Variants in NR1I3 observed in about 807,000 individuals in gnomAD.
NR1I3 encodes the protein nuclear receptor subfamily 1 group I member 3.
NR1I3 carries 30 observed loss-of-function variants against 38.4 expected under a neutral mutation model. The observed-to-expected ratio is 0.78, with a 90% CI of 0.58 to 1.06. The LOEUF (loss-of-function observed/expected upper bound fraction) is 1.06, where lower values mean the gene tolerates loss of function less well. NR1I3 is among the 50% of genes least tolerant of loss of function. The pLI is 0.00. For missense variants in NR1I3, 388 were observed against 435.7 expected, an observed-to-expected ratio of 0.89 and a Z score of 0.97; for synonymous variants, 143 against 165.1, an observed-to-expected ratio of 0.87 and a Z score of 1.03.
rs1197804717 is a variant in NR1I3, at chr1:161,229,700, T to C, written c.*97A>G. 6.2e-7 allele frequency: 1 copy of C among 1,614,126 alleles called. No homozygotes were observed. The highest frequency in any genetic ancestry group is 1.7e-5 in the Admixed American group (1 of 60,028). On this transcript the variant is annotated 3_prime_UTR_variant, in exon 9 of 9. Coordinates refer to ENST00000367983, the MANE Select transcript of NR1I3 (RefSeq NM_005122.5). The stretch of plus-strand genomic sequence containing the variant: ...TAGTCTTTCATTGCAACCACTGGGC[T>C]CCCTTTGAACCCGGCCCAATCTTTG...
intron 8 of NR1I3, chr1:161,230,161 GAGAGCC>G: frequency 1.9e-6 from 1 of 516,234 alleles, no homozygotes; most frequent in Non-Finnish European, 3.5e-6. Flanking sequence ...CCAGAGCTCT[GAGAGCC>G]GAGTGTGAAG....
intron 3 of NR1I3, chr1:161,235,116 G>T (rs3123553): frequency 6.6e-6 from 1 of 152,046 alleles, no homozygotes; most frequent in Non-Finnish European, 1.5e-5. Context: ...ACTCCAGCCT[G>T]GGCAACAGAG....
In NR1I3 at chr1:161,231,446, G is replaced by C. The variant is rs766064438; in HGVS notation, c.577C>G (p.Leu193Val). ...ATTTCCACAGCTGCTCCCTTGAGAA[G>C]GGAGATCTGGTCTTCAATGGGCAGG... ...RSLPIEDQIS[L>V]LKGAAVEICH... The change falls in exon 6 of 9, where the codon CTT (leucine) becomes GTT (valine). Residue 193 changes from leucine to valine, a missense_variant. Transcript: ENST00000367983. 1 of 1,576,410 alleles carries C rather than the reference G, an allele frequency of 6.3e-7. No homozygotes were observed. The highest frequency in any genetic ancestry group is 1.2e-5 in the South Asian group (1 of 84,090).
chr1:161,237,921 C>G, intron 1 of NR1I3, 120 bp downstream of exon 1: 1 of 949,396 alleles, frequency 1.1e-6, no homozygotes, highest in South Asian at 1.3e-5. Context: ...TGGGCTCAAG[C>G]GATCCCCCCA....
chr1:161,232,387 T>A (rs1019071669), intron 5 of NR1I3, among the ~76,000 whole-genome samples: 3 of 152,144 alleles, frequency 2.0e-5, no homozygotes, highest in East Asian at 1.9e-4. Flanking sequence ...AGCCTCAACC[T>A]CCTGGGCTCA....
chr1:161,230,802 T>C lies in NR1I3; in HGVS notation c.917+11A>G. ...TGGTGTGGCCTCCAAGCCCTCAGTG[T>C]CCCACCGTACCGATCCCGGGGCCTT... On this transcript the variant is annotated intron_variant, in intron 8 of 8. Transcript: ENST00000367983. 2 of 1,614,006 alleles carry C rather than the reference T, an allele frequency of 1.2e-6. No individual in the cohort carries two copies. The highest frequency in any genetic ancestry group is 1.7e-6 in the Non-Finnish European group (2 of 1,180,020).
intron 3 of NR1I3, among the ~76,000 whole-genome samples, chr1:161,233,897 G>GTGTATATATATGTGTATATA (rs1667985042): frequency 6.8e-6 from 1 of 147,200 alleles, no homozygotes; most frequent in Non-Finnish European, 1.5e-5. Flanking sequence ...GTATATGTGT[G>GTGTATATATATGTGTATATA]TGTATATATA....
rs1667037285 is a variant in NR1I3, at chr1:161,230,817, C to G, written c.913G>C (p.Asp305His). Residue 305 changes from aspartate to histidine, a missense_variant, in exon 8 of 9, where the codon GAT becomes CAT. Physicochemically the swap from Asp to His is moderately conservative, Grantham distance 81. Coordinates refer to ENST00000367983, the MANE Select transcript of NR1I3 (RefSeq NM_005122.5). Reference sequence around the variant, plus strand: ...GCCCTCAGTGTCCCACCGTACCGATCCCGGGGCCTTCGCTGCTGGCCCTTG... The same window carrying G: ...GCCCTCAGTGTCCCACCGTACCGATGCCGGGGCCTTCGCTGCTGGCCCTTG... The part of the protein sequence containing the change: ...YIKGQQRRPR[D>H]RFLYAKLLGL... The G allele has an allele frequency of 6.2e-7, 1 of 1,614,162 alleles. No homozygotes were observed. Among genetic ancestry groups the G allele is most frequent in the Non-Finnish European group, 8.5e-7 (1 of 1,180,034 alleles).
In NR1I3 at chr1:161,231,195, A is replaced by C; in HGVS notation, c.733T>G (p.Phe245Val). 1 of 1,614,050 alleles carries C rather than the reference A, an allele frequency of 6.2e-7. No homozygotes were observed. Among genetic ancestry groups the C allele is most frequent in the Non-Finnish European group, 8.5e-7 (1 of 1,180,006 alleles). The change falls in exon 7 of 9, where the codon TTC becomes GTC. Residue 245 changes from phenylalanine (F) to valine (V), a missense_variant. Coordinates refer to ENST00000367983, the MANE Select transcript of NR1I3 (RefSeq NM_005122.5). ...QVEFLELLFHFHGTLRKLQLQ... is the reference protein window; with the variant it reads ...QVEFLELLFHVHGTLRKLQLQ... ...TGCAGTTTTCGTAGTGTTCCATGGA[A>C]GTGAAAGAGCAACTCCAAAAACTCT...
intron 1 of NR1I3, among the ~76,000 whole-genome samples, chr1:161,237,135 C>T (rs1668754194): frequency 6.6e-6 from 1 of 151,764 alleles, no homozygotes; most frequent in East Asian, 1.9e-4. Context: ...TATAGGTACA[C>T]ACCACCACAC....
At chr1:161,235,102 C>T (rs1178986559) in intron 3 of NR1I3, among the ~76,000 whole-genome samples, 14 of 151,622 alleles carry the variant, frequency 9.2e-5, no homozygotes, top group Non-Finnish European at 1.2e-4. Context: ...GATGGCGCCA[C>T]TGCACTCCAG....
At chr1:161,236,255 A>G (rs1170348444) in intron 2 of NR1I3, 1 of 685,520 alleles carries the variant, frequency 1.5e-6, no homozygotes, top group African/African-American at 1.8e-5. Context: ...TCCATCAGAC[A>G]AACATTCAGC....
chr1:161,229,845 G>C lies in NR1I3; in HGVS notation c.999C>G (p.Ile333Met). 1.2e-6 allele frequency: 2 copies of C among 1,614,210 alleles called. No individual in the cohort carries two copies. The highest frequency in any genetic ancestry group is 2.2e-5 in the South Asian group (2 of 91,086). The change falls in exon 9 of 9, where the codon ATC becomes ATG. Residue 333 changes from isoleucine to methionine, a missense_variant. Physicochemically the swap from Ile to Met is conservative, Grantham distance 10. Coordinates refer to ENST00000367983, the MANE Select transcript of NR1I3 (RefSeq NM_005122.5). ...GCGGCATCATGGCAGACAGGCCCTGGATGTGCTGGATTTGGTACCCGTAGG... is the reference window on the plus strand; with the variant it reads ...GCGGCATCATGGCAGACAGGCCCTGCATGTGCTGGATTTGGTACCCGTAGG... ...NEAYGYQIQH[I>M]QGLSAMMPLL...
chr1:161,232,479 GTA>G (rs1478947412), intron 5 of NR1I3, among the ~76,000 whole-genome samples: 1 of 151,950 alleles, frequency 6.6e-6, no homozygotes, highest in East Asian at 1.9e-4. Flanking sequence ...TGTATTTTTT[GTA>G]GAGTTGGGGT....
Position 161,229,809 on chromosome 1 carries a change from C to T in NR1I3, c.1035G>A (p.Glu345=), listed in dbSNP as rs1666680455. The T allele has an allele frequency of 6.2e-7, 1 of 1,614,218 alleles. No homozygotes were observed. The highest frequency in any genetic ancestry group is 1.7e-5 in the Admixed American group (1 of 60,010). Residue 345 remains glutamate, a synonymous_variant, in exon 9 of 9, where the codon GAG becomes GAA. Coordinates refer to ENST00000367983, the MANE Select transcript of NR1I3 (RefSeq NM_005122.5). The stretch of plus-strand genomic sequence containing the variant: ...AGTGAGCATGGCCTCAGCTGCAGAT[C>T]TCCTGGAGCAGCGGCATCATGGCAG... ...GLSAMMPLLQ[E]ICS
In NR1I3 at chr1:161,235,521, G is replaced by T. The variant is rs184090622; in HGVS notation, c.238+326C>A. 175 of 234,370 alleles carry T rather than the reference G, an allele frequency of 7.5e-4. 1 individual carries two copies. In the East Asian group the frequency reaches 0.026, roughly 34 times the overall value. The allele number at this position is 234,370 out of a possible 1,614,324, so 14.5% of individuals were successfully genotyped here. A position where few individuals can be genotyped will look rare whatever the true frequency, so the allele number is the denominator to read the frequency against. The stretch of plus-strand genomic sequence containing the variant: ...CTGACCTCGTGATCCGCCTGCCTCG[G>T]CCTCCCAAAGTGCTGGGATTACAGG... On this transcript the variant is annotated intron_variant, in intron 3 of 8. Transcript: ENST00000367983.
chr1:161,232,616 C>A (rs544351442), intron 5 of NR1I3, among the ~76,000 whole-genome samples, 191 bp downstream of exon 5: 1 of 152,302 alleles, frequency 6.6e-6, no homozygotes, highest in East Asian at 1.9e-4. Flanking sequence ...ACTTTAGATG[C>A]AAGCCTGTAC....
chr1:161,236,289 T>G (rs1668590059), intron 2 of NR1I3, 170 bp downstream of exon 2: 2 of 774,834 alleles, frequency 2.6e-6, no homozygotes, highest in South Asian at 3.7e-5. Flanking sequence ...TGCCACCAGT[T>G]TATACAGTGA....
At chr1:161,230,956 C>A in intron 7 of NR1I3, 38 bp from the exon 8 acceptor site, 1 of 1,613,302 alleles carries the variant, frequency 6.2e-7, no homozygotes, top group South Asian at 1.1e-5. Context: ...AGTTGGGTGG[C>A]AGGGGTGGGC....
Sources: gnomAD v4.1 joint callset for allele counts (sites outside exome capture counted in the v4.1 genomes callset) on GRCh38, gnomAD v4.1.1 for gene constraint, MANE v1.5 for transcripts, NCBI Gene and HGNC (gene_info 2026-07-23, HGNC 2026-07-21) for gene names.